Variants in UBE2R2 observed in about 807,000 individuals in gnomAD.
UBE2R2 encodes the protein ubiquitin-conjugating enzyme E2 R2.
In UBE2R2, 1 loss-of-function variant was observed where a neutral mutation model predicts 27.8. That is an observed-to-expected ratio of 0.04 (90% confidence interval 0.01 to 0.17). The LOEUF is 0.17. UBE2R2 is among the 10% of genes least tolerant of loss of function. The pLI is 1.00. For missense variants in UBE2R2, 100 were observed against 291.0 expected, an observed-to-expected ratio of 0.34 and a Z score of 4.78; for synonymous variants, 106 against 113.3, an observed-to-expected ratio of 0.94 and a Z score of 0.41.
chr9:33,862,215 AC>A (rs1039638379), intron 1 of UBE2R2, among the ~76,000 whole-genome samples: 53 of 152,050 alleles, frequency 3.5e-4, no homozygotes, highest in African/African-American at 1.2e-3. Context: ...ATGATAAACA[AC>A]CAAAAGTTAG....
At chr9:33,893,749 A>C (rs1420635653) in intron 2 of UBE2R2, among the ~76,000 whole-genome samples, 1 of 152,156 alleles carries the variant, frequency 6.6e-6, no homozygotes, top group Non-Finnish European at 1.5e-5. Flanking sequence ...CTCGTGCCTC[A>C]ACCACCCAAG....
intron 1 of UBE2R2, among the ~76,000 whole-genome samples, chr9:33,839,615 C>T (rs927103862): frequency 1.3e-5 from 2 of 152,152 alleles, no homozygotes; most frequent in African/African-American, 4.8e-5. Flanking sequence ...AGCAAGAAGG[C>T]ATCGTATATG....
intron 1 of UBE2R2, among the ~76,000 whole-genome samples, chr9:33,833,510 G>C (rs567400157): frequency 9.2e-5 from 14 of 152,270 alleles, no homozygotes; most frequent in Non-Finnish European, 1.6e-4. Flanking sequence ...GTCGTTTCTT[G>C]TAAGAGCTTC....
chr9:33,894,549 T>A (rs1162203663), intron 2 of UBE2R2, among the ~76,000 whole-genome samples: 2 of 151,994 alleles, frequency 1.3e-5, no homozygotes, highest in Non-Finnish European at 2.9e-5. Flanking sequence ...TCCTCCCACA[T>A]CCACCTCCCA....
intron 1 of UBE2R2, among the ~76,000 whole-genome samples, chr9:33,832,197 A>G (rs1261593929): frequency 6.6e-6 from 1 of 151,476 alleles, no homozygotes; most frequent in East Asian, 2.0e-4. Context: ...AATCCCAGCT[A>G]CTTCAGAGGC....
chr9:33,824,552 T>C (rs1247375882), intron 1 of UBE2R2, among the ~76,000 whole-genome samples: 1 of 150,814 alleles, frequency 6.6e-6, no homozygotes, highest in Non-Finnish European at 1.5e-5. Flanking sequence ...GGCAGGAGAA[T>C]GGCGTGAACC....
At chr9:33,815,460 C>A (rs1398470158), upstream of UBE2R2, among the ~76,000 whole-genome samples, 2 of 152,130 alleles carry the variant, frequency 1.3e-5, no homozygotes, top group Non-Finnish European at 2.9e-5. Flanking sequence ...TAAAACTGTC[C>A]TTGGCTGGGC....
chr9:33,900,894 C>G (rs923542971), intron 3 of UBE2R2, among the ~76,000 whole-genome samples: 1 of 152,042 alleles, frequency 6.6e-6, no homozygotes, highest in Non-Finnish European at 1.5e-5. Context: ...ATAGTCATGT[C>G]TTCATGGGCA....
chr9:33,828,651 T>C (rs912549277), intron 1 of UBE2R2, among the ~76,000 whole-genome samples: 3 of 151,922 alleles, frequency 2.0e-5, no homozygotes, highest in Non-Finnish European at 4.4e-5. Context: ...AATCTCCGCC[T>C]CCCTGGTTTA....
chr9:33,833,215 C>T (rs969087510), intron 1 of UBE2R2, among the ~76,000 whole-genome samples: 9 of 152,162 alleles, frequency 5.9e-5, no homozygotes, highest in African/African-American at 1.7e-4. Context: ...CAAACACATG[C>T]CACCGTGCCT....
At chr9:33,847,189 C>A (rs1015471282) in intron 1 of UBE2R2, among the ~76,000 whole-genome samples, 5 of 152,022 alleles carry the variant, frequency 3.3e-5, no homozygotes, top group East Asian at 3.9e-4. Context: ...CCCCTGCCAC[C>A]CGAATTCAGG....
intron 1 of UBE2R2, among the ~76,000 whole-genome samples, chr9:33,835,153 T>G (rs945487451): frequency 2.0e-5 from 3 of 148,978 alleles, no homozygotes; most frequent in East Asian, 3.9e-4. Context: ...AGGTTTTTTT[T>G]TTTTTTTTTT....
rs980950928 is a variant in UBE2R2, at chr9:33,817,213, T to G, written c.-545T>G. Among the ~76,000 whole-genome samples, 5 of 129,550 alleles carry G rather than the reference T, an allele frequency of 3.9e-5. No individual in the cohort carries two copies. The highest frequency in any genetic ancestry group is 7.9e-5 in the Non-Finnish European group (5 of 63,046). The allele number at this position is 129,550 out of a possible 152,430, so 85.0% of individuals were successfully genotyped here. A position where few individuals can be genotyped will look rare whatever the true frequency, so the allele number is the denominator to read the frequency against. ...CGAGGCGCTCTCGCTCTCCTCCTCC[T>G]CCGCCGTCGCCCCTCCCCCCGCGCA... On this transcript the variant is annotated 5_prime_UTR_variant, in exon 1 of 5. Coordinates refer to ENST00000263228, the MANE Select transcript of UBE2R2 (RefSeq NM_017811.4).
intron 1 of UBE2R2, among the ~76,000 whole-genome samples, chr9:33,825,050 A>AT (rs1269431551): frequency 1.3e-5 from 2 of 151,996 alleles, no homozygotes; most frequent in African/African-American, 4.8e-5. Flanking sequence ...GTCAGGAAAA[A>AT]TTTTTATTGA....
intron 1 of UBE2R2, among the ~76,000 whole-genome samples, chr9:33,839,715 G>A (rs1820690736): frequency 1.3e-5 from 2 of 152,164 alleles, no homozygotes; most frequent in Admixed American, 1.3e-4. Context: ...TGTTGTTTAA[G>A]CTAGGAGTGG....
chr9:33,908,313 T>A (rs1822408699), intron 3 of UBE2R2, among the ~76,000 whole-genome samples: 1 of 152,156 alleles, frequency 6.6e-6, no homozygotes, highest in Non-Finnish European at 1.5e-5. Context: ...CCAGGTTAGG[T>A]CACATGCATA....
At chr9:33,914,267 A>G (rs563882851) in intron 4 of UBE2R2, among the ~76,000 whole-genome samples, 2 of 152,366 alleles carry the variant, frequency 1.3e-5, no homozygotes, top group Admixed American at 6.5e-5. Flanking sequence ...TAGCAGAGAT[A>G]ATTCCTTATA....
chr9:33,886,992 T>C (rs1412359044), intron 2 of UBE2R2, 25 bp downstream of exon 2: 3 of 1,566,288 alleles, frequency 1.9e-6, no homozygotes, highest in Admixed American at 2.1e-5. Context: ...ATCATAAATT[T>C]CTCTGAAGAT....
chr9:33,883,072 G>C, intron 1 of UBE2R2, among the ~76,000 whole-genome samples: 1 of 152,150 alleles, frequency 6.6e-6, no homozygotes, highest in South Asian at 2.1e-4. Context: ...CTGGGCAACA[G>C]AGCAAGGCTC....
Sources: allele counts gnomAD v4.1 joint callset (sites outside exome capture counted in the v4.1 genomes callset), GRCh38; gene constraint gnomAD v4.1.1; transcripts MANE v1.5; gene names NCBI Gene and HGNC (gene_info 2026-07-23, HGNC 2026-07-21).